Variants in TEX36 observed in about 807,000 individuals in gnomAD.
TEX36 encodes testis expressed 36, also known as testis-expressed protein 36.
TEX36 carries 12 observed loss-of-function variants against 13.6 expected under a neutral mutation model. That is an observed-to-expected ratio of 0.88 (90% CI 0.56 to 1.43). The LOEUF (loss-of-function observed/expected upper bound fraction) is 1.43. TEX36 is among the 40% of genes most tolerant of loss of function. TEX36 has a pLI of 0.00. For missense variants in TEX36, 224 were observed against 228.3 expected, an observed-to-expected ratio of 0.98 and a Z score of 0.12; for synonymous variants, 93 against 83.0, an observed-to-expected ratio of 1.12 and a Z score of -0.65.
At chr10:125,676,575 C>A (rs1342840000) in intron 1 of TEX36, among the ~76,000 whole-genome samples, 1 of 151,906 alleles carries the variant, frequency 6.6e-6, no homozygotes, top group Non-Finnish European at 1.5e-5. Context: ...ATTCAGCCAG[C>A]CATTCTGTAT....
chr10:125,670,129 T>C (rs1298003356), intron 1 of TEX36, among the ~76,000 whole-genome samples: 1 of 152,238 alleles, frequency 6.6e-6, no homozygotes, highest in African/African-American at 2.4e-5. Context: ...TATTGCTGGA[T>C]CAAATGGTAT....
chr10:125,586,627 T>C lies in TEX36; in HGVS notation c.265-9753A>G, dbSNP rs546283417. On this transcript the variant is annotated intron_variant, in intron 3 of 3. Coordinates refer to the TEX36 transcript ENST00000532135. ...CAACATTGTGAAACTCCGTCTCTAC[T>C]AAAAATCCAAAAAAAAAAAAAAAAA... Among the ~76,000 whole-genome samples, 12 of 14,162 alleles carry C rather than the reference T, an allele frequency of 8.5e-4. No homozygotes were observed. In the South Asian group the frequency reaches 0.022, roughly 26 times the overall value. The allele number at this position is 14,162 out of a possible 152,430, so 9.3% of individuals were successfully genotyped here.
intron 1 of TEX36, chr10:125,666,887 G>A (rs2133601667): frequency 4.7e-6 from 2 of 424,212 alleles, no homozygotes; most frequent in South Asian, 4.9e-5. Flanking sequence ...AGTAGGTATG[G>A]TTAGAGATGA....
chr10:125,681,276 C>T (rs1847388126), intron 1 of TEX36, among the ~76,000 whole-genome samples: 1 of 152,172 alleles, frequency 6.6e-6, no homozygotes, highest in Non-Finnish European at 1.5e-5. Context: ...CCTGGGATGG[C>T]CAACTTCTAG....
At chr10:125,675,909 A>G (rs1327400003) in intron 1 of TEX36, among the ~76,000 whole-genome samples, 2 of 152,170 alleles carry the variant, frequency 1.3e-5, no homozygotes, top group Non-Finnish European at 2.9e-5. Context: ...TTTAATTCCT[A>G]TGTATTTGCA....
downstream of TEX36, among the ~76,000 whole-genome samples, chr10:125,618,693 G>T (rs1846388261): frequency 6.6e-6 from 1 of 152,062 alleles, no homozygotes; most frequent in Non-Finnish European, 1.5e-5. Context: ...TTCAGCTAGT[G>T]CAGGTCCTGC....
rs1428119997 is a variant in TEX36, at chr10:125,655,812, T to C, written c.*88A>G. 10 of 1,357,240 alleles carry C rather than the reference T, an allele frequency of 7.4e-6. No homozygotes were observed. The highest frequency in any genetic ancestry group is 9.5e-6 in the Non-Finnish European group (10 of 1,050,104). The allele number at this position is 1,357,240 out of a possible 1,614,324, so 84.1% of individuals were successfully genotyped here. ...TCATAAAAGTACTTTAAAAATTAAATAGTGGTGCTGGATCAGAAAACATAT... is the reference window on the plus strand; with the variant it reads ...TCATAAAAGTACTTTAAAAATTAAACAGTGGTGCTGGATCAGAAAACATAT... On this transcript the variant is annotated 3_prime_UTR_variant, in exon 4 of 4. Coordinates refer to ENST00000368821, the MANE Select transcript of TEX36 (RefSeq NM_001128202.3).
chr10:125,603,237 G>A (rs1012372390), intron 3 of TEX36, among the ~76,000 whole-genome samples: 1 of 152,198 alleles, frequency 6.6e-6, no homozygotes, highest in African/African-American at 2.4e-5. Context: ...TACAGGAAGG[G>A]ATGGTTCCCT....
At chr10:125,676,383 T>G (rs1279592960) in intron 1 of TEX36, among the ~76,000 whole-genome samples, 1 of 152,248 alleles carries the variant, frequency 6.6e-6, no homozygotes, top group East Asian at 1.9e-4. Flanking sequence ...TGTATTTTTT[T>G]TACTGTTCTT....
In TEX36 at chr10:125,683,000, A is replaced by G. The variant is rs1425079254; in HGVS notation, c.-11T>C. Reference sequence around the variant, plus strand: ...TCGCCCTTTGGTCATTCTCTCCAGGAAGCTGAATGTGGCTGAGATTGGCTC... The same window carrying G: ...TCGCCCTTTGGTCATTCTCTCCAGGGAGCTGAATGTGGCTGAGATTGGCTC... On this transcript the variant is annotated 5_prime_UTR_variant, in exon 1 of 4. Coordinates refer to ENST00000368821, the MANE Select transcript of TEX36 (RefSeq NM_001128202.3). The G allele has an allele frequency of 1.3e-6, 2 of 1,551,542 alleles. No individual in the cohort carries two copies. Among genetic ancestry groups the G allele is most frequent in the African/African-American group, 1.4e-5 (1 of 73,022 alleles).
At chr10:125,582,791 G>C (rs756998725) in intron 3 of TEX36, among the ~76,000 whole-genome samples, 1 of 152,078 alleles carries the variant, frequency 6.6e-6, no homozygotes, top group African/African-American at 2.4e-5. Flanking sequence ...TTTTAAAAAA[G>C]CAATTTGCAT....
At chr10:125,578,121 C>T (rs1348492610) in intron 3 of TEX36, 5 of 152,188 alleles carry the variant, frequency 3.3e-5, no homozygotes, top group African/African-American at 1.2e-4. Flanking sequence ...CAGCCCACTG[C>T]AGGGAAAACA....
intron 1 of TEX36, among the ~76,000 whole-genome samples, chr10:125,681,684 A>T (rs936266643): frequency 6.6e-6 from 1 of 152,186 alleles, no homozygotes; most frequent in Admixed American, 6.5e-5. Context: ...TACATTTTCC[A>T]TGCTTTAAAT....
At chr10:125,680,852 T>C (rs1484121578) in intron 1 of TEX36, among the ~76,000 whole-genome samples, 2 of 152,182 alleles carry the variant, frequency 1.3e-5, no homozygotes, top group Non-Finnish European at 2.9e-5. Context: ...CTGGGCTACG[T>C]TTCTGGGGTC....
At chr10:125,643,633 T>C (rs1458950746) in intron 3 of TEX36, among the ~76,000 whole-genome samples, 1 of 151,908 alleles carries the variant, frequency 6.6e-6, no homozygotes, top group East Asian at 1.9e-4. Flanking sequence ...TGCCAGCTAC[T>C]TGGGAGGCTG....
At chr10:125,648,164 C>T (rs1846801190) in intron 3 of TEX36, among the ~76,000 whole-genome samples, 1 of 152,198 alleles carries the variant, frequency 6.6e-6, no homozygotes, top group African/African-American at 2.4e-5. Context: ...GTGGTTCTCC[C>T]AGCATGGGGT....
At chr10:125,615,687 G>C (rs1403800199) in intron 3 of TEX36, among the ~76,000 whole-genome samples, 4 of 150,920 alleles carry the variant, frequency 2.7e-5, no homozygotes, top group Non-Finnish European at 5.9e-5. Flanking sequence ...CGTTTTGCCA[G>C]TATTTTATTG....
intron 3 of TEX36, among the ~76,000 whole-genome samples, chr10:125,634,062 G>A (rs1846594237): frequency 6.6e-6 from 1 of 152,072 alleles, no homozygotes; most frequent in Admixed American, 6.5e-5. Context: ...GTTGTTTCTG[G>A]CTTTGTTTTG....
At chr10:125,638,862 T>C (rs1396987222) in intron 3 of TEX36, among the ~76,000 whole-genome samples, 4 of 152,250 alleles carry the variant, frequency 2.6e-5, no homozygotes, top group Non-Finnish European at 5.9e-5. Context: ...GACTTCATGT[T>C]CCCAAATCTA....
Sources: allele counts gnomAD v4.1 joint callset (sites outside exome capture counted in the v4.1 genomes callset), GRCh38; gene constraint gnomAD v4.1.1; transcripts MANE v1.5; gene names NCBI Gene and HGNC (gene_info 2026-07-23, HGNC 2026-07-21).